SH3PXD2B: variants seen among roughly 807,000 people sequenced by gnomAD.
SH3PXD2B encodes the protein SH3 and PX domains 2B.
A neutral mutation model predicts 73.1 loss-of-function variants in SH3PXD2B; 37 were observed. The observed-to-expected ratio is 0.51, with a 90% confidence interval of 0.39 to 0.67. The LOEUF (loss-of-function observed/expected upper bound fraction) is 0.67. SH3PXD2B is among the 30% of genes least tolerant of loss of function. The pLI, the probability that SH3PXD2B is intolerant of heterozygous loss-of-function variation, is 0.00. For synonymous variants in SH3PXD2B, 457 were observed against 480.5 expected (o/e 0.95, Z 0.64); for missense variants, 1,053 against 1,197.8 (o/e 0.88, Z 1.78).
At chr5:172,439,866 C>T (rs1759512266) in intron 1 of SH3PXD2B, among the ~76,000 whole-genome samples, 1 of 152,152 alleles carries the variant, frequency 6.6e-6, no homozygotes, top group Non-Finnish European at 1.5e-5. Flanking sequence ...CTGGTGGAAA[C>T]ACTCGCTGCT....
chr5:172,329,075 A>ATTTTTT (rs1561884420), downstream of SH3PXD2B, among the ~76,000 whole-genome samples: 115 of 71,032 alleles, frequency 1.6e-3, no homozygotes, highest in African/African-American at 5.6e-3. Flanking sequence ...ATATATATAT[A>ATTTTTT]TATATATATT....
rs968535636 is a variant in SH3PXD2B, at chr5:172,337,234, T to A, written c.*1135A>T. The A allele has an allele frequency of 1.0e-6, 1 of 985,628 alleles. No individual in the cohort carries two copies. Among genetic ancestry groups the A allele is most frequent in the African/African-American group, 1.7e-5 (1 of 57,370 alleles). The allele number at this position is 985,628 out of a possible 1,614,324, so 61.1% of individuals were successfully genotyped here. A position where few individuals can be genotyped will look rare whatever the true frequency, so the allele number is the denominator to read the frequency against. Reference sequence around the variant, plus strand: ...TGGTGGGTGTGGGAGCAGCCACGAATGCCCCCTCACCCCCCTCACAATGAA... The same window carrying A: ...TGGTGGGTGTGGGAGCAGCCACGAAAGCCCCCTCACCCCCCTCACAATGAA... On this transcript the variant is annotated 3_prime_UTR_variant, in exon 13 of 13. Transcript: ENST00000311601.
chr5:172,347,207 G>A lies in SH3PXD2B; in HGVS notation c.1062+76C>T, dbSNP rs1033358790. The A allele has an allele frequency of 2.1e-6, 3 of 1,412,764 alleles. No homozygotes were observed. In the African/African-American group the frequency reaches 4.3e-5, roughly 20 times the overall value. 87.5% of individuals were successfully genotyped at this position (1,412,764 alleles called of 1,614,324 possible). On this transcript the variant is annotated intron_variant, in intron 11 of 12. Transcript: ENST00000311601. ...GAGAGCATTTCTGGAAGGGCGAGGGGTGTGTGAGGGGCTAGTGGACACCCC... is the reference window on the plus strand; with the variant it reads ...GAGAGCATTTCTGGAAGGGCGAGGGATGTGTGAGGGGCTAGTGGACACCCC...
In SH3PXD2B at chr5:172,348,615, AATCTATCTATGT is replaced by A. The variant is rs1253228377; in HGVS notation, c.1013-1295_1013-1284del. 3.8e-4 allele frequency among the ~76,000 whole-genome samples: 54 copies of A among 140,782 alleles called. No individual in the cohort carries two copies. In the East Asian group the frequency reaches 5.8e-3, roughly 15 times the overall value. The allele number at this position is 140,782 out of a possible 152,430, so 92.4% of individuals were successfully genotyped here. A position where few individuals can be genotyped will look rare whatever the true frequency, so the allele number is the denominator to read the frequency against. ...GGGGGTGTCTTTGTTTTAGCATCTGAATCTATCTATGTATCTATCTATGTATCTATCTATCTA... is the reference window on the plus strand; with the variant it reads ...GGGGGTGTCTTTGTTTTAGCATCTGAATCTATCTATGTATCTATCTATCTA... On this transcript the variant is annotated intron_variant, in intron 10 of 12. Transcript: ENST00000311601.
chr5:172,395,893 T>C (rs1210936278), intron 3 of SH3PXD2B, among the ~76,000 whole-genome samples: 5 of 151,910 alleles, frequency 3.3e-5, no homozygotes, highest in Non-Finnish European at 5.9e-5. Context: ...GGAGACCTAC[T>C]AAGAGCTCTC....
At chr5:172,343,696 T>G (rs1401192428) in intron 12 of SH3PXD2B, among the ~76,000 whole-genome samples, 1 of 151,880 alleles carries the variant, frequency 6.6e-6, no homozygotes, top group South Asian at 2.1e-4. Context: ...TCCCAGCTAC[T>G]TGGGAGGCTG....
intron 6 of SH3PXD2B, among the ~76,000 whole-genome samples, chr5:172,363,171 CATCT>C (rs1054032303): frequency 9.2e-5 from 14 of 152,152 alleles, no homozygotes; most frequent in African/African-American, 3.4e-4. Context: ...TCCCTCCATC[CATCT>C]GTCCATCCAT....
At chr5:172,350,686 C>G in intron 9 of SH3PXD2B, 97 bp from the exon 10 acceptor site, 3 of 1,267,052 alleles carry the variant, frequency 2.4e-6, no homozygotes, top group Non-Finnish European at 3.3e-6. Flanking sequence ...TCCCAGGGAG[C>G]AGGAACGACG....
intron 1 of SH3PXD2B, among the ~76,000 whole-genome samples, chr5:172,439,700 AC>A (rs1759507054): frequency 1.6e-5 from 2 of 123,406 alleles, no homozygotes; most frequent in Admixed American, 1.8e-4. Context: ...GCGCACACAC[AC>A]ACACACACAC....
chr5:172,398,713 G>A (rs1389734664), intron 3 of SH3PXD2B, among the ~76,000 whole-genome samples: 1 of 152,088 alleles, frequency 6.6e-6, no homozygotes, highest in Non-Finnish European at 1.5e-5. Flanking sequence ...AAAACTTTTG[G>A]GTAACATTAA....
intron 10 of SH3PXD2B, among the ~76,000 whole-genome samples, chr5:172,349,792 G>A (rs78633597): frequency 0.011 from 1,612 of 152,330 alleles, 11 homozygotes; most frequent in Middle Eastern, 0.031. Context: ...AGTAGCCAGT[G>A]TGACCACTGT....
chr5:172,428,733 T>G (rs1759162395), intron 1 of SH3PXD2B, among the ~76,000 whole-genome samples: 1 of 152,216 alleles, frequency 6.6e-6, no homozygotes, highest in South Asian at 2.1e-4. Context: ...CTGTTGGTAT[T>G]GTTGCCAACA....
intron 6 of SH3PXD2B, among the ~76,000 whole-genome samples, chr5:172,368,514 A>ATATATATT (rs1757592872): frequency 1.4e-4 from 3 of 21,750 alleles, no homozygotes; most frequent in African/African-American, 2.8e-4. Flanking sequence ...ATATATATAA[A>ATATATATT]ATATATATAT....
rs1211045649 is a variant in SH3PXD2B at position 172,368,772 on chromosome 5, CAT to C, written c.427+5016_427+5017del. Among the ~76,000 whole-genome samples, 8 of 111,126 alleles carry C rather than the reference CAT, an allele frequency of 7.2e-5. No individual in the cohort carries two copies. The East Asian group carries it at 8.9e-4, about 12-fold the overall frequency. The allele number at this position is 111,126 out of a possible 152,430, so 72.9% of individuals were successfully genotyped here. A position where few individuals can be genotyped will look rare whatever the true frequency, so the allele number is the denominator to read the frequency against. On this transcript the variant is annotated intron_variant, in intron 6 of 12. Coordinates refer to ENST00000311601, the MANE Select transcript of SH3PXD2B (RefSeq NM_001017995.3). ...ATATATATATTTAATATATAATATA[CAT>C]ATATATTTAATATATAATACACATA...
rs775727595 is a variant in SH3PXD2B at position 172,394,680 on chromosome 5, G to C, written c.233-41C>G. 1.9e-6 allele frequency: 3 copies of C among 1,606,636 alleles called. No homozygotes were observed. The South Asian group carries it at 3.3e-5, about 18-fold the overall frequency. ...GCAAAGACAGTGTTGTCAGGGAACA[G>C]GGACAAGCTCTCAGCAACCTGAGAG... On this transcript the variant is annotated intron_variant, in intron 3 of 12. Transcript: ENST00000311601.
chr5:172,355,000 C>A (rs1005476949), intron 8 of SH3PXD2B, among the ~76,000 whole-genome samples: 10 of 152,180 alleles, frequency 6.6e-5, no homozygotes, highest in African/African-American at 2.2e-4. Flanking sequence ...CAGCTCCCAC[C>A]CCCAGTGTTA....
intron 1 of SH3PXD2B, among the ~76,000 whole-genome samples, chr5:172,447,299 A>G (rs1274800500): frequency 1.3e-5 from 2 of 152,210 alleles, no homozygotes; most frequent in Non-Finnish European, 2.9e-5. Context: ...AATCAGCCTG[A>G]GCATGCTATT....
At chr5:172,400,602 G>A (rs1412018590) in intron 3 of SH3PXD2B, among the ~76,000 whole-genome samples, 1 of 152,188 alleles carries the variant, frequency 6.6e-6, no homozygotes, top group Non-Finnish European at 1.5e-5. Context: ...TATTCTGTCT[G>A]TTGTCCCCAC....
chr5:172,365,893 C>T (rs575468824), intron 6 of SH3PXD2B, among the ~76,000 whole-genome samples: 26 of 152,302 alleles, frequency 1.7e-4, no homozygotes, highest in Non-Finnish European at 3.7e-4. Context: ...CCAGCATCTA[C>T]CCCAGGATAC....
Sources: allele counts gnomAD v4.1 joint callset (sites outside exome capture counted in the v4.1 genomes callset), GRCh38; gene constraint gnomAD v4.1.1; transcripts MANE v1.5; gene names NCBI Gene and HGNC (gene_info 2026-07-23, HGNC 2026-07-21).